The following SMCO4 variants were observed in gnomAD, a reference collection of about 807,000 sequenced individuals.
SMCO4 encodes the protein single-pass membrane and coiled-coil domain-containing protein 4.
Under a neutral mutation model 3.6 loss-of-function variants are expected in SMCO4, and 4 were observed. The ratio of observed to expected loss-of-function variants is 1.11; its 90% confidence interval spans 0.54 to 2.53. The LOEUF is 2.53. Ranked by LOEUF, SMCO4 falls within the 30% of genes most tolerant of loss-of-function variation. The probability of loss-of-function intolerance (pLI) is 0.02; values close to 1 mark genes in which losing one functional copy is unlikely to be tolerated. For synonymous variants in SMCO4, 36 were observed against 35.3 expected, an observed-to-expected ratio of 1.02 and a Z score of -0.07; for missense variants, 70 against 80.8, an observed-to-expected ratio of 0.87 and a Z score of 0.51.
chr11:93,480,099 T>C (rs375494836), intron 2 of SMCO4, among the ~76,000 whole-genome samples: 1 of 152,238 alleles, frequency 6.6e-6, no homozygotes, highest in Admixed American at 6.5e-5. Context: ...AACATCTCTA[T>C]AAAAGTCGGC....
chr11:93,504,924 G>C (rs1198299343), intron 1 of SMCO4, among the ~76,000 whole-genome samples: 1 of 152,208 alleles, frequency 6.6e-6, no homozygotes, highest in Admixed American at 6.5e-5. Context: ...CAGTGAGTTA[G>C]GGCAGTGGGT....
At chr11:93,489,958 C>A (rs538203155) in intron 2 of SMCO4, among the ~76,000 whole-genome samples, 14 of 152,238 alleles carry the variant, frequency 9.2e-5, no homozygotes, top group Non-Finnish European at 1.9e-4. Context: ...TGTGAGAATA[C>A]TTCCAGGCTC....
At chr11:93,533,820 C>T (rs528014651) in intron 1 of SMCO4, among the ~76,000 whole-genome samples, 16 of 152,242 alleles carry the variant, frequency 1.1e-4, no homozygotes, top group African/African-American at 3.1e-4. Context: ...AATCTCCTGA[C>T]CTCTTCTCTT....
chr11:93,529,814 C>T (rs1286175440), intron 1 of SMCO4, among the ~76,000 whole-genome samples: 2 of 152,244 alleles, frequency 1.3e-5, no homozygotes, highest in African/African-American at 4.8e-5. Context: ...CCTGGAGTTC[C>T]TTCTTCTTTT....
intron 1 of SMCO4, among the ~76,000 whole-genome samples, chr11:93,528,616 C>T (rs1445073283): frequency 7.1e-6 from 1 of 141,470 alleles, no homozygotes; most frequent in Non-Finnish European, 1.5e-5. Context: ...CTCTACCTTC[C>T]AGGAGCTCGC....
In SMCO4 at chr11:93,478,916, A is replaced by T; in HGVS notation, c.*94T>A. The stretch of plus-strand genomic sequence containing the variant: ...GTGCTCCTGCTTACAGCTCAGCAAC[A>T]TGAACATCTCTGAATATGAAAGCCA... On this transcript the variant is annotated 3_prime_UTR_variant, in exon 3 of 3. Coordinates refer to ENST00000298966, the MANE Select transcript of SMCO4 (RefSeq NM_020179.3). The T allele has an allele frequency of 6.8e-7, 1 of 1,476,162 alleles. No homozygotes were observed. The highest frequency in any genetic ancestry group is 9.0e-7 in the Non-Finnish European group (1 of 1,113,558). The allele number at this position is 1,476,162 out of a possible 1,614,324, so 91.4% of individuals were successfully genotyped here. A position where few individuals can be genotyped will look rare whatever the true frequency, so the allele number is the denominator to read the frequency against.
At chr11:93,483,860 C>G (rs1413563376) in intron 2 of SMCO4, among the ~76,000 whole-genome samples, 1 of 152,164 alleles carries the variant, frequency 6.6e-6, no homozygotes, top group African/African-American at 2.4e-5. Flanking sequence ...CTGGGTGTAC[C>G]CCACTTATCT....
intron 2 of SMCO4, among the ~76,000 whole-genome samples, chr11:93,491,830 T>C (rs1948721182): frequency 6.6e-6 from 1 of 152,240 alleles, no homozygotes; most frequent in African/African-American, 2.4e-5. Flanking sequence ...CTTGCCAGCC[T>C]GTCCCCATGT....
the SMCO4 span, among the ~76,000 whole-genome samples, chr11:93,550,178 G>C: frequency 6.6e-6 from 1 of 152,300 alleles, no homozygotes; most frequent in South Asian, 2.1e-4. Context: ...AAGAACACCA[G>C]TGAACCCTTT....
At chr11:93,519,005 A>G (rs1414993812) in intron 1 of SMCO4, among the ~76,000 whole-genome samples, 1 of 152,240 alleles carries the variant, frequency 6.6e-6, no homozygotes, top group Non-Finnish European at 1.5e-5. Flanking sequence ...TTTAAAAACC[A>G]TCTTGTGTCC....
At chr11:93,514,309 T>TCAGAAA (rs1055641140) in intron 1 of SMCO4, among the ~76,000 whole-genome samples, 3 of 139,046 alleles carry the variant, frequency 2.2e-5, no homozygotes, top group Non-Finnish European at 4.6e-5. Context: ...AATATAATGA[T>TCAGAAA]CAGAAACATT....
chr11:93,519,447 A>C (rs1949038293), intron 1 of SMCO4, among the ~76,000 whole-genome samples: 1 of 152,224 alleles, frequency 6.6e-6, no homozygotes, highest in African/African-American at 2.4e-5. Context: ...TTAGGCAGGA[A>C]GTGGGCTGAA....
intron 2 of SMCO4, among the ~76,000 whole-genome samples, chr11:93,483,783 A>C (rs1246487915): frequency 1.3e-5 from 2 of 152,212 alleles, no homozygotes; most frequent in South Asian, 4.1e-4. Flanking sequence ...ACACAAAAGA[A>C]AGGACTGGCA....
At chr11:93,503,074 T>C (rs558532320) in intron 1 of SMCO4, among the ~76,000 whole-genome samples, 9 of 152,260 alleles carry the variant, frequency 5.9e-5, no homozygotes, top group Middle Eastern at 3.4e-3. Flanking sequence ...CCAGAGTCCA[T>C]TGTCTAGAAC....
intron 2 of SMCO4, among the ~76,000 whole-genome samples, chr11:93,487,433 A>T (rs1274871229): frequency 1.3e-5 from 2 of 152,200 alleles, no homozygotes; most frequent in East Asian, 3.8e-4. Context: ...CCTGAAGGCC[A>T]GTGGGTGTAT....
chr11:93,492,156 G>A (rs752981196), intron 2 of SMCO4, among the ~76,000 whole-genome samples: 11 of 152,184 alleles, frequency 7.2e-5, no homozygotes, highest in African/African-American at 1.4e-4. Context: ...AGACAGGCGA[G>A]TAAGCTCCAG....
upstream of SMCO4, among the ~76,000 whole-genome samples, chr11:93,544,380 C>T (rs761483085): frequency 4.6e-5 from 7 of 152,086 alleles, no homozygotes; most frequent in Non-Finnish European, 8.8e-5. Context: ...AAGGCCAGCC[C>T]GGGGAGCAAG....
chr11:93,498,137 G>A (rs1196140953), intron 2 of SMCO4, among the ~76,000 whole-genome samples: 1 of 152,166 alleles, frequency 6.6e-6, no homozygotes, highest in Non-Finnish European at 1.5e-5. Context: ...AGACAACAAT[G>A]TGCAGATGAA....
At chr11:93,534,353 C>T (rs12280543) in intron 1 of SMCO4, among the ~76,000 whole-genome samples, 5 of 106,630 alleles carry the variant, frequency 4.7e-5, no homozygotes, top group African/African-American at 1.7e-4. Flanking sequence ...TATATATACA[C>T]ATACATATAT....
Sources: gnomAD v4.1 joint callset for allele counts (sites outside exome capture counted in the v4.1 genomes callset) on GRCh38, gnomAD v4.1.1 for gene constraint, MANE v1.5 for transcripts, NCBI Gene and HGNC (gene_info 2026-07-23, HGNC 2026-07-21) for gene names.